The following FOXP1 variants were observed in gnomAD, a reference collection of about 807,000 sequenced individuals.
The protein encoded by FOXP1 is forkhead box P1.
In FOXP1, 15 loss-of-function variants were observed where a neutral mutation model predicts 98.2. The ratio of observed to expected loss-of-function variants is 0.15; its 90% CI spans 0.10 to 0.24. The LOEUF (loss-of-function observed/expected upper bound fraction) is 0.24, where lower values mean the gene tolerates loss of function less well. Among genes scored for constraint, FOXP1 ranks in the 10% least tolerant of loss-of-function variants. FOXP1 has a pLI of 1.00. For synonymous variants in FOXP1, 371 were observed against 314.5 expected (o/e 1.18, Z -1.90); for missense variants, 633 against 848.5 (o/e 0.75, Z 3.15).
At chr3:70,981,530 C>A (rs1355143243) in intron 14 of FOXP1, among the ~76,000 whole-genome samples, 1 of 152,200 alleles carries the variant, frequency 6.6e-6, no homozygotes, top group Non-Finnish European at 1.5e-5. Context: ...CGACTGACCC[C>A]ACCATCAATG....
At chr3:71,003,626 AAGT>A (rs2042391168) in intron 12 of FOXP1, among the ~76,000 whole-genome samples, 1 of 152,198 alleles carries the variant, frequency 6.6e-6, no homozygotes, top group Non-Finnish European at 1.5e-5. Flanking sequence ...TAATCTAAAT[AAGT>A]AGCTTGCCGG....
At chr3:71,138,408 G>C (rs2059919942) in intron 6 of FOXP1, among the ~76,000 whole-genome samples, 1 of 151,968 alleles carries the variant, frequency 6.6e-6, no homozygotes, top group Admixed American at 6.6e-5. Flanking sequence ...TAACCTATAT[G>C]TACGAATACA....
intron 5 of FOXP1, among the ~76,000 whole-genome samples, chr3:71,233,878 T>A (rs973910909): frequency 2.0e-5 from 3 of 152,190 alleles, no homozygotes; most frequent in Non-Finnish European, 4.4e-5. Flanking sequence ...ACATTCCTTT[T>A]AGCCCAAATC....
intron 7 of FOXP1, among the ~76,000 whole-genome samples, chr3:71,082,400 C>G (rs890880512): frequency 3.3e-5 from 5 of 151,376 alleles, no homozygotes; most frequent in Middle Eastern, 6.9e-3. Flanking sequence ...AACACACGTT[C>G]TCACTCGTAA....
intron 7 of FOXP1, among the ~76,000 whole-genome samples, chr3:71,074,680 C>A (rs1465254998): frequency 6.6e-6 from 1 of 152,166 alleles, no homozygotes; most frequent in Admixed American, 6.5e-5. Flanking sequence ...CTGGTTCAGT[C>A]TTACTCCCAT....
At chr3:71,177,818 G>GTTTATT (rs1202684486) in intron 6 of FOXP1, among the ~76,000 whole-genome samples, 2 of 140,884 alleles carry the variant, frequency 1.4e-5, no homozygotes, top group Non-Finnish European at 3.1e-5. Context: ...AATACTGATA[G>GTTTATT]TTTATTTTCT....
intron 2 of FOXP1, among the ~76,000 whole-genome samples, chr3:71,553,462 C>T (rs1240481883): frequency 1.3e-5 from 2 of 152,156 alleles, no homozygotes; most frequent in East Asian, 1.9e-4. Flanking sequence ...CTTCCAAATA[C>T]AGTTACAGAA....
chr3:71,016,962 T>C (rs1190399160), intron 11 of FOXP1, among the ~76,000 whole-genome samples: 4 of 150,620 alleles, frequency 2.7e-5, no homozygotes, highest in Non-Finnish European at 5.9e-5. Flanking sequence ...AATTTAAAGA[T>C]AATAACAAGC....
At chr3:71,015,335 C>T (rs567675778) in intron 12 of FOXP1, among the ~76,000 whole-genome samples, 18 of 151,418 alleles carry the variant, frequency 1.2e-4, no homozygotes, top group African/African-American at 3.9e-4. Flanking sequence ...CTAAGACTTA[C>T]GCCTTTGAAT....
intron 2 of FOXP1, among the ~76,000 whole-genome samples, chr3:71,541,177 T>A (rs1002302676): frequency 6.6e-6 from 1 of 152,250 alleles, no homozygotes; most frequent in Non-Finnish European, 1.5e-5. Context: ...CTTTCAATTA[T>A]TAGGTAATCA....
At chr3:71,518,911 G>T (rs2042772239) in intron 2 of FOXP1, among the ~76,000 whole-genome samples, 1 of 152,194 alleles carries the variant, frequency 6.6e-6, no homozygotes, top group Non-Finnish European at 1.5e-5. Flanking sequence ...GAACTGGCAA[G>T]GCTCCCGAAT....
intron 13 of FOXP1, among the ~76,000 whole-genome samples, chr3:70,995,333 T>C (rs1025104128): frequency 6.6e-6 from 1 of 152,216 alleles, no homozygotes. Context: ...TTCTAGTTCC[T>C]GTGTCTCTGT....
At chr3:70,986,764 A>T (rs2039811112) in intron 14 of FOXP1, among the ~76,000 whole-genome samples, 2 of 152,122 alleles carry the variant, frequency 1.3e-5, no homozygotes, top group Admixed American at 1.3e-4. Flanking sequence ...TAATACACGG[A>T]AACTAAGGAC....
intron 3 of FOXP1, among the ~76,000 whole-genome samples, chr3:71,484,414 T>G (rs2090508052): frequency 6.6e-6 from 1 of 152,214 alleles, no homozygotes; most frequent in South Asian, 2.1e-4. Flanking sequence ...AGGTTTAAAT[T>G]TCACCCACCA....
At chr3:71,130,687 C>A (rs750522482) in intron 6 of FOXP1, 1 of 1,573,406 alleles carries the variant, frequency 6.4e-7, no homozygotes, top group South Asian at 1.1e-5. Context: ...GGAACATTGC[C>A]CTTTGTAGGC....
intron 7 of FOXP1, among the ~76,000 whole-genome samples, chr3:71,103,166 G>T (rs2057118374): frequency 1.3e-5 from 2 of 152,160 alleles, no homozygotes; most frequent in South Asian, 4.1e-4. Flanking sequence ...AGATAGTGAA[G>T]TTCAATGAGT....
At chr3:71,002,797 C>A (rs1022492036) in intron 12 of FOXP1, among the ~76,000 whole-genome samples, 4 of 152,160 alleles carry the variant, frequency 2.6e-5, no homozygotes, top group Non-Finnish European at 5.9e-5. Context: ...AGAGACTTGC[C>A]TCAAACCACG....
chr3:71,013,117 C>T (rs2043906524), intron 12 of FOXP1, among the ~76,000 whole-genome samples: 2 of 152,104 alleles, frequency 1.3e-5, no homozygotes, highest in South Asian at 4.2e-4. Context: ...AATATTATTT[C>T]CTTACAGAGA....
At chr3:71,155,557 G>A (rs2060780704) in intron 6 of FOXP1, among the ~76,000 whole-genome samples, 2 of 152,186 alleles carry the variant, frequency 1.3e-5, no homozygotes, top group Non-Finnish European at 2.9e-5. Context: ...ACCATACTGG[G>A]TAGTACAGTG....
Sources: allele counts gnomAD v4.1 joint callset (sites outside exome capture counted in the v4.1 genomes callset), GRCh38; gene constraint gnomAD v4.1.1; transcripts MANE v1.5; gene names NCBI Gene and HGNC (gene_info 2026-07-23, HGNC 2026-07-21).